The following ROBO2 variants were observed in gnomAD, a reference collection of about 807,000 sequenced individuals.
The protein encoded by ROBO2 is roundabout guidance receptor 2.
A neutral mutation model predicts 160.8 loss-of-function variants in ROBO2; 53 were observed. That is an observed-to-expected ratio of 0.33 (90% confidence interval 0.26 to 0.41). The LOEUF is 0.41. Ranked by LOEUF, ROBO2 falls within the 10% of genes least tolerant of loss-of-function variation. The pLI, the probability that ROBO2 is intolerant of heterozygous loss-of-function variation, is 1.00. For missense variants in ROBO2, 1,577 were observed against 1,722.4 expected (o/e 0.92, Z 1.49); for synonymous variants, 664 against 611.7 (o/e 1.09, Z -1.26).
intron 2 of ROBO2, among the ~76,000 whole-genome samples, chr3:77,129,085 G>T (rs2150337342): frequency 6.6e-6 from 1 of 151,918 alleles, no homozygotes; most frequent in East Asian, 1.9e-4. Context: ...CTTTTGGAGT[G>T]CTCTTTTTAG....
At chr3:76,765,096 G>T (rs913108392) in intron 2 of ROBO2, among the ~76,000 whole-genome samples, 1 of 151,460 alleles carries the variant, frequency 6.6e-6, no homozygotes, top group Non-Finnish European at 1.5e-5. Context: ...AATGTCTATT[G>T]TTCCACTCTG....
chr3:77,568,170 C>CT (rs2093541695), intron 12 of ROBO2, 143 bp from the exon 14 acceptor site: 1 of 811,262 alleles, frequency 1.2e-6, no homozygotes, highest in African/African-American at 1.7e-5. Context: ...TATATATAGG[C>CT]TTAAATGCTT....
intron 2 of ROBO2, among the ~76,000 whole-genome samples, chr3:76,910,937 GTACTC>G (rs1240483591): frequency 6.6e-6 from 1 of 151,842 alleles, no homozygotes; most frequent in African/African-American, 2.4e-5. Context: ...AATACATTAA[GTACTC>G]TACTTAAATA....
At chr3:77,108,178 A>G (rs2073066901) in intron 2 of ROBO2, among the ~76,000 whole-genome samples, 1 of 151,460 alleles carries the variant, frequency 6.6e-6, no homozygotes, top group African/African-American at 2.4e-5. Flanking sequence ...ATGTATACAC[A>G]TATGCATATA....
At chr3:77,098,964 C>A (rs1560005186) in intron 2 of ROBO2, among the ~76,000 whole-genome samples, 1 of 152,050 alleles carries the variant, frequency 6.6e-6, no homozygotes, top group Non-Finnish European at 1.5e-5. Context: ...TGGGAGATTT[C>A]AGGATGCTGG....
chr3:76,070,363 G>A (rs768893422), intron 2 of ROBO2, among the ~76,000 whole-genome samples: 4 of 152,058 alleles, frequency 2.6e-5, no homozygotes, highest in Non-Finnish European at 4.4e-5. Flanking sequence ...TCTTATGTTC[G>A]ACATTGCAGA....
intron 2 of ROBO2, among the ~76,000 whole-genome samples, chr3:77,426,334 G>C (rs2078201919): frequency 6.6e-6 from 1 of 152,082 alleles, no homozygotes; most frequent in African/African-American, 2.4e-5. Flanking sequence ...AACAGAGATG[G>C]GGCCCACTGT....
chr3:76,813,567 T>C (rs2065388246), intron 2 of ROBO2, among the ~76,000 whole-genome samples: 1 of 152,176 alleles, frequency 6.6e-6, no homozygotes, highest in South Asian at 2.1e-4. Context: ...TTTTGAGTGA[T>C]ACGAAGTAAC....
intron 2 of ROBO2, among the ~76,000 whole-genome samples, chr3:76,597,518 T>C (rs374120992): frequency 1.3e-5 from 2 of 151,910 alleles, no homozygotes; most frequent in African/African-American, 4.8e-5. Flanking sequence ...TTCAACATCT[T>C]GTCATCAGAG....
intron 8 of ROBO2, among the ~76,000 whole-genome samples, chr3:77,553,010 A>G (rs569903531): frequency 5.3e-5 from 8 of 151,990 alleles, no homozygotes; most frequent in Non-Finnish European, 1.2e-4. Flanking sequence ...GATTACAGGC[A>G]TACCTTCCTT....
At chr3:77,101,327 T>G (rs2071893226) in intron 2 of ROBO2, among the ~76,000 whole-genome samples, 1 of 152,166 alleles carries the variant, frequency 6.6e-6, no homozygotes, top group African/African-American at 2.4e-5. Flanking sequence ...GTTAAGTGAC[T>G]GGGTATATAG....
intron 2 of ROBO2, among the ~76,000 whole-genome samples, chr3:76,040,863 C>A (rs1163684603): frequency 6.6e-6 from 1 of 151,784 alleles, no homozygotes; most frequent in Non-Finnish European, 1.5e-5. Context: ...TGGGGTGCAT[C>A]TGTAGTGCCA....
At chr3:76,792,182 A>C (rs973268699) in intron 2 of ROBO2, among the ~76,000 whole-genome samples, 1 of 151,922 alleles carries the variant, frequency 6.6e-6, no homozygotes, top group African/African-American at 2.4e-5. Context: ...CTAGCTTCTA[A>C]AATGTGGCTC....
intron 2 of ROBO2, among the ~76,000 whole-genome samples, chr3:77,356,282 C>CTGAT (rs1349302195): frequency 6.6e-6 from 1 of 151,848 alleles, no homozygotes; most frequent in African/African-American, 2.4e-5. Context: ...CATGATTCTA[C>CTGAT]TGATAGCTAA....
rs183292989 is a variant in ROBO2, at chr3:76,110,612, T to C, written c.109+173010T>C. Among the ~76,000 whole-genome samples the C allele has an allele frequency of 1.8e-3, 274 of 152,182 alleles. 1 individual carries two copies. Among genetic ancestry groups the C allele is most frequent in the African/African-American group, 6.3e-3 (262 of 41,542 alleles). On this transcript the variant is annotated intron_variant, in intron 2 of 26. Transcript: ENST00000487694. ...AAATGTTATTGGTTATCTATTTAAGTCCTATGGAATCTTGAAAGTCTAAAG... is the reference window on the plus strand; with the variant it reads ...AAATGTTATTGGTTATCTATTTAAGCCCTATGGAATCTTGAAAGTCTAAAG...
chr3:75,944,401 C>A (rs1948190728), intron 2 of ROBO2, among the ~76,000 whole-genome samples: 1 of 152,148 alleles, frequency 6.6e-6, no homozygotes, highest in African/African-American at 2.4e-5. Context: ...ATGCCAACAT[C>A]TACCTCAGCC....
intron 2 of ROBO2, among the ~76,000 whole-genome samples, chr3:77,235,041 C>G (rs1231519874): frequency 1.3e-5 from 2 of 152,124 alleles, no homozygotes; most frequent in Non-Finnish European, 2.9e-5. Context: ...TTAGAAAAGA[C>G]AGAATAGCAC....
intron 2 of ROBO2, among the ~76,000 whole-genome samples, chr3:76,197,984 C>T (rs879857409): frequency 2.0e-5 from 3 of 152,138 alleles, no homozygotes; most frequent in East Asian, 1.9e-4. Flanking sequence ...TAGAAATTCC[C>T]ACCAACTCTT....
chr3:77,391,829 G>T lies in ROBO2; in HGVS notation c.389-85585G>T, dbSNP rs1433258938. Among the ~76,000 whole-genome samples the T allele has an allele frequency of 6.6e-5, 10 of 152,156 alleles. No individual in the cohort carries two copies. In the South Asian group the frequency reaches 2.1e-3, roughly 32 times the overall value. On this transcript the variant is annotated intron_variant, in intron 2 of 25. Transcript: ENST00000461745. ...CCAGCTCGGCCTTTCCAAAGTGCTG[G>T]CATTATAAGCATGAGCCACCATTCC...
Sources: gnomAD v4.1 joint callset for allele counts (sites outside exome capture counted in the v4.1 genomes callset) on GRCh38, gnomAD v4.1.1 for gene constraint, MANE v1.5 for transcripts, NCBI Gene and HGNC (gene_info 2026-07-23, HGNC 2026-07-21) for gene names.